CAPN5: variants seen among roughly 807,000 people sequenced by gnomAD.
CAPN5 encodes the protein calpain 5.
Under a neutral mutation model 73.0 loss-of-function variants are expected in CAPN5, and 54 were observed. The observed-to-expected ratio is 0.74, with a 90% CI of 0.59 to 0.93. The LOEUF (loss-of-function observed/expected upper bound fraction) is 0.93, where lower values mean the gene tolerates loss of function less well. Among genes scored for constraint, CAPN5 ranks in the 40% least tolerant of loss-of-function variants. CAPN5 has a pLI of 0.00. For missense variants in CAPN5, 785 were observed against 882.9 expected, an observed-to-expected ratio of 0.89 and a Z score of 1.41; for synonymous variants, 335 against 356.9, an observed-to-expected ratio of 0.94 and a Z score of 0.69.
chr11:77,121,531 C>T (rs76118766), intron 10 of CAPN5, among the ~76,000 whole-genome samples: 3,148 of 152,392 alleles, frequency 0.021, 44 homozygotes, highest in South Asian at 0.055. Context: ...AGGGTCCTGC[C>T]GGCCCAGGCT....
rs1454450610 is a variant in CAPN5 at position 77,118,353 on chromosome 11, G to A, written c.1167+1G>A. On this transcript the variant is annotated splice_donor_variant, in intron 8 of 12. Coordinates refer to ENST00000648180, the MANE Select transcript of CAPN5 (RefSeq NM_004055.5). LOFTEE classifies it high-confidence loss of function. ...GGACACCTTCTTCCAGAACCCACAG[G>A]TGGGCGTTCTCAGGAACCCCCACCC... 6.4e-7 allele frequency: 1 copy of A among 1,570,780 alleles called. No homozygotes were observed. Among genetic ancestry groups the A allele is most frequent in the Non-Finnish European group, 8.6e-7 (1 of 1,156,724 alleles).
intron 9 of CAPN5, 130 bp downstream of exon 9, chr11:77,119,282 A>G (rs1565279138): frequency 9.8e-7 from 1 of 1,022,320 alleles, no homozygotes; most frequent in Admixed American, 2.5e-5. Flanking sequence ...CGTGGCAGAC[A>G]TTGTGAGGAT....
chr11:77,122,592 GATC>G lies in CAPN5; in HGVS notation c.1625_1627del (p.Ile542del). ...TCTCCCTAGGGGCTAACTCTTATGT[GATC>G]ATCAAGTGTGAGGGAGACAAAGTCC... is the stretch of plus-strand genomic sequence containing the variant. On this transcript the variant is annotated inframe_deletion, in exon 12 of 13. Transcript: ENST00000648180. The G allele has an allele frequency of 1.2e-6, 2 of 1,603,648 alleles. No individual in the cohort carries two copies. The highest frequency in any genetic ancestry group is 2.3e-5 in the East Asian group (1 of 44,434).
intron 3 of CAPN5, among the ~76,000 whole-genome samples, chr11:77,103,505 A>C (rs1345608843): frequency 6.6e-6 from 1 of 151,796 alleles, no homozygotes; most frequent in African/African-American, 2.4e-5. Context: ...TGGGGCCAGC[A>C]CTCCAGCTCA....
rs1950068319 is a variant in CAPN5, at chr11:77,084,949, G to A, written c.63G>A (p.Arg21=). ...ACTCAGCCCTGAGGCGGGACTGCCG[G>A]CGCAGGAAGGTGCTCTTCGAGGACC... ...QNYSALRRDC[R]RRKVLFEDPL... is the part of the protein sequence containing the mutation. The change falls in exon 2 of 13, where the codon CGG becomes CGA. Residue 21 remains arginine, a synonymous_variant. Transcript: ENST00000648180. 4 of 1,613,668 alleles carry A rather than the reference G, an allele frequency of 2.5e-6. No homozygotes were observed. The highest frequency in any genetic ancestry group is 1.7e-5 in the Admixed American group (1 of 60,008).
intron 3 of CAPN5, chr11:77,103,005 A>C: frequency 2.5e-6 from 4 of 1,613,582 alleles, no homozygotes; most frequent in Non-Finnish European, 3.4e-6. Context: ...GTACCGCCTC[A>C]ACTTCACCCA....
chr11:77,088,160 T>C (rs1250840989), intron 2 of CAPN5: 1 of 1,215,676 alleles, frequency 8.2e-7, no homozygotes, highest in Non-Finnish European at 1.1e-6. Context: ...TTTGGTGGAA[T>C]GCACAGGGGA....
At chr11:77,075,412 G>A (rs1157817254) in intron 1 of CAPN5, among the ~76,000 whole-genome samples, 1 of 152,200 alleles carries the variant, frequency 6.6e-6, no homozygotes, top group South Asian at 2.1e-4. Context: ...TGTCAAGTCC[G>A]CAAGCGTCCT....
intron 8 of CAPN5, 30 bp from the exon 9 acceptor site, chr11:77,119,000 G>A (rs1343501307): frequency 1.9e-6 from 3 of 1,591,776 alleles, no homozygotes; most frequent in Non-Finnish European, 1.7e-6. Flanking sequence ...TCATTGCAGT[G>A]TCTCTCTCTC....
intron 3 of CAPN5, chr11:77,103,431 C>G: frequency 7.0e-7 from 1 of 1,423,250 alleles, no homozygotes; most frequent in Non-Finnish European, 9.5e-7. Context: ...TCTCGCTGCT[C>G]AGCCTGTCCT....
chr11:77,085,755 G>A (rs1950079032), intron 2 of CAPN5, among the ~76,000 whole-genome samples: 1 of 152,156 alleles, frequency 6.6e-6, no homozygotes, highest in Non-Finnish European at 1.5e-5. Flanking sequence ...GGGTGTGAGG[G>A]TGGGCTGGGG....
At chr11:77,068,574 G>A (rs1454819152) in intron 1 of CAPN5, among the ~76,000 whole-genome samples, 1 of 152,188 alleles carries the variant, frequency 6.6e-6, no homozygotes, top group Non-Finnish European at 1.5e-5. Context: ...GGGGTGGATT[G>A]CGGATTAGAT....
At chr11:77,120,983 C>A in intron 10 of CAPN5, 74 bp downstream of exon 10, 1 of 1,371,614 alleles carries the variant, frequency 7.3e-7, no homozygotes, top group Non-Finnish European at 1.0e-6. Context: ...AACCTGCAGC[C>A]TCAGAGATGC....
intron 1 of CAPN5, among the ~76,000 whole-genome samples, chr11:77,075,587 C>T (rs1299083008): frequency 2.0e-5 from 3 of 152,218 alleles, no homozygotes; most frequent in African/African-American, 7.2e-5. Flanking sequence ...TCCAGCTGGA[C>T]AGGGCTACAG....
intron 2 of CAPN5, chr11:77,088,143 G>A (rs1418235184): frequency 2.8e-6 from 4 of 1,412,498 alleles, no homozygotes; most frequent in Non-Finnish European, 1.9e-6. Context: ...TATGAGCCTG[G>A]AGGTCCTTTG....
chr11:77,068,869 G>T (rs1480005447), intron 1 of CAPN5, among the ~76,000 whole-genome samples: 2 of 152,172 alleles, frequency 1.3e-5, no homozygotes, highest in Non-Finnish European at 2.9e-5. Context: ...ACCACCATTG[G>T]GGGTGGAGCA....
In CAPN5 at chr11:77,084,944, T is replaced by G. The variant is rs781885701; in HGVS notation, c.58T>G (p.Cys20Gly). The G allele has an allele frequency of 1.2e-6, 2 of 1,613,956 alleles. No homozygotes were observed. The highest frequency in any genetic ancestry group is 2.2e-5 in the South Asian group (2 of 91,088). ...DQNYSALRRDCRRRKVLFEDP... is the reference protein window; with the variant it reads ...DQNYSALRRDGRRRKVLFEDP... ...GAACTACTCAGCCCTGAGGCGGGAC[T>G]GCCGGCGCAGGAAGGTGCTCTTCGA... Residue 20 changes from cysteine (C) to glycine (G), a missense_variant, in exon 2 of 13, where the codon TGC (cysteine) becomes GGC (glycine). Coordinates refer to ENST00000648180, the MANE Select transcript of CAPN5 (RefSeq NM_004055.5).
At chr11:77,116,610 C>G (rs1483389774) in intron 7 of CAPN5, among the ~76,000 whole-genome samples, 1 of 152,148 alleles carries the variant, frequency 6.6e-6, no homozygotes, top group Admixed American at 6.5e-5. Flanking sequence ...GTGGGCCCAC[C>G]AGGATCTCCC....
intron 3 of CAPN5, among the ~76,000 whole-genome samples, chr11:77,104,413 G>A (rs1950321708): frequency 1.3e-5 from 2 of 152,304 alleles, no homozygotes; most frequent in South Asian, 4.1e-4. Context: ...AGCTGAGGGG[G>A]GCAGGGCGAA....
Sources: gnomAD v4.1 joint callset for allele counts (sites outside exome capture counted in the v4.1 genomes callset) on GRCh38, gnomAD v4.1.1 for gene constraint, MANE v1.5 for transcripts, NCBI Gene and HGNC (gene_info 2026-07-23, HGNC 2026-07-21) for gene names.